CAMTA1: variants seen among roughly 807,000 people sequenced by gnomAD.
CAMTA1 encodes the protein calmodulin binding transcription activator 1.
In CAMTA1, 27 loss-of-function variants were observed where a neutral mutation model predicts 170.9. That is an observed-to-expected ratio of 0.16 (90% CI 0.12 to 0.22). CAMTA1 has a LOEUF of 0.22. Among genes scored for constraint, CAMTA1 ranks in the 10% least tolerant of loss-of-function variants. The pLI, the probability that CAMTA1 is intolerant of heterozygous loss-of-function variation, is 1.00. For missense variants in CAMTA1, 1,619 were observed against 2,217.2 expected (o/e 0.73, Z 5.42); for synonymous variants, 833 against 891.5 (o/e 0.93, Z 1.17).
At chr1:6,889,037 TA>T (rs1673946123) in intron 3 of CAMTA1, among the ~76,000 whole-genome samples, 1 of 152,264 alleles carries the variant, frequency 6.6e-6, no homozygotes, top group African/African-American at 2.4e-5. Flanking sequence ...GGAAATCAAC[TA>T]AAATCAGGAA....
At chr1:7,558,855 G>A (rs12094324) in intron 6 of CAMTA1, among the ~76,000 whole-genome samples, 1 of 152,248 alleles carries the variant, frequency 6.6e-6, no homozygotes, top group South Asian at 2.1e-4. Flanking sequence ...GCGTTATTTA[G>A]TTCTGATATC....
chr1:6,823,538 C>T (rs1646763298), intron 2 of CAMTA1, among the ~76,000 whole-genome samples: 1 of 151,828 alleles, frequency 6.6e-6, no homozygotes. Flanking sequence ...GTTCATGGAC[C>T]AAAAAAGATT....
intron 3 of CAMTA1, among the ~76,000 whole-genome samples, chr1:7,055,280 C>G (rs990259299): frequency 6.6e-6 from 1 of 152,192 alleles, no homozygotes; most frequent in African/African-American, 2.4e-5. Flanking sequence ...TAACTGGTAG[C>G]TCTTACTAAA....
chr1:6,785,680 C>A, intron 1 of CAMTA1, 105 bp downstream of exon 1: 1 of 66,014 alleles, frequency 1.5e-5, no homozygotes, highest in Non-Finnish European at 2.7e-5. Flanking sequence ...AGCGCGGGGG[C>A]GCGGCGGGCG....
At chr1:7,724,441 A>C (rs919896873) in intron 11 of CAMTA1, among the ~76,000 whole-genome samples, 1 of 152,206 alleles carries the variant, frequency 6.6e-6, no homozygotes, top group Non-Finnish European at 1.5e-5. Context: ...ATTACTCGAA[A>C]AAATGTTTAA....
intron 5 of CAMTA1, among the ~76,000 whole-genome samples, chr1:7,321,804 C>A (rs1235369393): frequency 1.3e-5 from 2 of 152,150 alleles, no homozygotes; most frequent in Non-Finnish European, 2.9e-5. Context: ...CCTTTATCCT[C>A]CCTCCTTCCT....
At chr1:7,276,303 A>ATATATATATATATATATATATAT in intron 5 of CAMTA1, among the ~76,000 whole-genome samples, 2 of 24,232 alleles carry the variant, frequency 8.3e-5, no homozygotes, top group African/African-American at 3.0e-4. Flanking sequence ...ATATATATAT[A>ATATATATATATATATATATATAT]TTTTTTTTTT....
chr1:7,111,421 T>C (rs923027550), intron 4 of CAMTA1, among the ~76,000 whole-genome samples: 20 of 152,212 alleles, frequency 1.3e-4, no homozygotes, highest in African/African-American at 4.6e-4. Context: ...AGAAAACCTC[T>C]GAGAACCTTC....
chr1:7,056,688 T>C (rs899955555), intron 3 of CAMTA1, among the ~76,000 whole-genome samples: 2 of 150,370 alleles, frequency 1.3e-5, no homozygotes, highest in African/African-American at 4.9e-5. Context: ...CCCGAGGGAC[T>C]CCCAGAGCCC....
intron 5 of CAMTA1, among the ~76,000 whole-genome samples, chr1:7,270,592 G>C (rs1423021460): frequency 6.6e-6 from 1 of 152,076 alleles, no homozygotes; most frequent in Non-Finnish European, 1.5e-5. Flanking sequence ...CACTGTGCCT[G>C]GCCTACAAGA....
At chr1:7,086,936 G>A (rs1015153693) in intron 3 of CAMTA1, among the ~76,000 whole-genome samples, 2 of 152,192 alleles carry the variant, frequency 1.3e-5, no homozygotes, top group African/African-American at 4.8e-5. Flanking sequence ...TTTTGCCCCA[G>A]CCTCCTATGA....
rs1177111116 is a variant in CAMTA1 at position 7,234,987 on chromosome 1, A to G, written c.303-14504A>G. ...TTTTTAGTAGAGATGGGGTTTCACC[A>G]TGTCGGTCAGGCTGGTCTCGAACTC... is the stretch of plus-strand genomic sequence containing the variant. On this transcript the variant is annotated intron_variant, in intron 4 of 22. Transcript: ENST00000303635. The surrounding 1 kb of genome is among the most constrained non-coding windows in gnomAD (Gnocchi z 5.0). Among the ~76,000 whole-genome samples the G allele has an allele frequency of 7.9e-5, 12 of 151,924 alleles. No homozygotes were observed. The highest frequency in any genetic ancestry group is 1.5e-5 in the Non-Finnish European group (1 of 67,972).
intron 3 of CAMTA1, among the ~76,000 whole-genome samples, chr1:6,836,893 A>G (rs1263010281): frequency 1.3e-5 from 2 of 152,036 alleles, no homozygotes; most frequent in East Asian, 1.9e-4. Flanking sequence ...TCTTGAGGAA[A>G]GAGAACAACA....
At position 7,565,408 on chromosome 1, in the gene CAMTA1, G is replaced by C. The variant is rs6667052; in HGVS notation, c.511-74992G>C. Among the ~76,000 whole-genome samples, 60,203 of 151,984 alleles carry C rather than the reference G, an allele frequency of 0.4. 14,868 individuals are homozygous for C. Among genetic ancestry groups the C allele is most frequent in the African/African-American group, 0.7 (28,864 of 41,468 alleles). ...GAGCCTACTGGGACAGCTGACCCAG[G>C]CTTCTAGGCCCCAGGGACAACCCAG... On this transcript the variant is annotated intron_variant, in intron 6 of 22. Transcript: ENST00000303635. The surrounding 1 kb of genome is among the most constrained non-coding windows in gnomAD (Gnocchi z 4.5).
At chr1:6,936,555 AAGG>A (rs1290176635) in intron 3 of CAMTA1, among the ~76,000 whole-genome samples, 2 of 152,156 alleles carry the variant, frequency 1.3e-5, no homozygotes, top group African/African-American at 4.8e-5. Context: ...TTTGATGAAT[AAGG>A]ATTCAAGATT....
At chr1:7,514,828 G>T (rs1174101933) in intron 6 of CAMTA1, among the ~76,000 whole-genome samples, 1 of 152,136 alleles carries the variant, frequency 6.6e-6, no homozygotes, top group Non-Finnish European at 1.5e-5. Context: ...GGCCCAAGAG[G>T]CCCGCCCCCC....
At chr1:6,903,669 C>G (rs1677629572) in intron 3 of CAMTA1, among the ~76,000 whole-genome samples, 1 of 152,154 alleles carries the variant, frequency 6.6e-6, no homozygotes, top group Non-Finnish European at 1.5e-5. Context: ...TCCTATAGGA[C>G]CTGTCTTTAT....
chr1:7,103,388 TACACACAACTACACACGC>T (rs1248326660), intron 4 of CAMTA1, among the ~76,000 whole-genome samples: 1,612 of 132,394 alleles, frequency 0.012, 12 homozygotes, highest in Middle Eastern at 0.025. Context: ...ACTACACACG[TACACACAACTACACACGC>T]ACACACACAG....
In CAMTA1 at chr1:7,635,837, A is replaced by AC. The variant is rs2095708166; in HGVS notation, c.511-4560dup. The stretch of plus-strand genomic sequence containing the variant: ...GCTAATATATTTTTCTGCCAAAAAC[A>AC]CCCAATAAAATGTACAACTAATGAA... On this transcript the variant is annotated intron_variant, in intron 6 of 22. Transcript: ENST00000303635. The surrounding 1 kb of genome is among the most constrained non-coding windows in gnomAD (Gnocchi z 4.4). Among the ~76,000 whole-genome samples, 1 of 152,156 alleles carries AC rather than the reference A, an allele frequency of 6.6e-6. No homozygotes were observed. The highest frequency in any genetic ancestry group is 2.4e-5 in the African/African-American group (1 of 41,432).
Sources: gnomAD v4.1 joint callset for allele counts (sites outside exome capture counted in the v4.1 genomes callset) on GRCh38, gnomAD v4.1.1 for gene constraint, Gnocchi (gnomAD v3.1) non-coding constraint, MANE v1.5 for transcripts, NCBI Gene and HGNC (gene_info 2026-07-23, HGNC 2026-07-21) for gene names.